LIN54: variants seen among roughly 807,000 people sequenced by gnomAD.
LIN54 encodes lin-54 DREAM MuvB core complex component, also known as protein lin-54 homolog.
A neutral mutation model predicts 78.7 loss-of-function variants in LIN54; 9 were observed. The ratio of observed to expected loss-of-function variants is 0.11; its 90% CI spans 0.07 to 0.20. The LOEUF (loss-of-function observed/expected upper bound fraction) is 0.20. LIN54 is among the 10% of genes least tolerant of loss of function. The pLI is 1.00. For missense variants in LIN54, 573 were observed against 889.9 expected (o/e 0.64, Z 4.53); for synonymous variants, 269 against 318.4 (o/e 0.84, Z 1.65).
In LIN54 at chr4:82,927,915, T is replaced by C; in HGVS notation, c.*187A>G. 1 of 572,722 alleles carries C rather than the reference T, an allele frequency of 1.7e-6. No homozygotes were observed. The highest frequency in any genetic ancestry group is 3.1e-6 in the Non-Finnish European group (1 of 323,826). The allele number at this position is 572,722 out of a possible 1,614,324, so 35.5% of individuals were successfully genotyped here. On this transcript the variant is annotated 3_prime_UTR_variant, in exon 13 of 13. Transcript: ENST00000340417. ...TCAATTTAGAAGGGGCATAAGCAGA[T>C]TTAACTAAGATTTAAAATGTACTAA...
rs1035496410 is a variant in LIN54, at chr4:82,938,468, A to G, written c.1477T>C (p.Ser493Pro). The G allele has an allele frequency of 1.2e-6, 2 of 1,611,564 alleles. No homozygotes were observed. The highest frequency in any genetic ancestry group is 1.7e-6 in the Non-Finnish European group (2 of 1,177,854). ...ATACCAGATGTTCCAGTAAAGGTAGAGTTGCTTGCTATTGATACATATGAA... is the reference window on the plus strand; with the variant it reads ...ATACCAGATGTTCCAGTAAAGGTAGGGTTGCTTGCTATTGATACATATGAA... ...QSSYVSIASN[S>P]TFTGTSGIQT... The change falls in exon 8 of 13, where the codon TCT becomes CCT. Residue 493 changes from serine to proline, a missense_variant. Physicochemically the swap from Ser to Pro is moderately conservative, Grantham distance 74. Transcript: ENST00000340417.
intron 1 of LIN54, 59 bp downstream of exon 1, chr4:83,010,425 C>CAA: frequency 4.0e-5 from 8 of 199,420 alleles, no homozygotes; most frequent in Non-Finnish European, 6.9e-5. Context: ...CCACCCCCAT[C>CAA]CCCCCAAATA....
chr4:82,986,163 T>G (rs1727114314), intron 1 of LIN54, among the ~76,000 whole-genome samples: 1 of 152,122 alleles, frequency 6.6e-6, no homozygotes, highest in Non-Finnish European at 1.5e-5. Context: ...TTACCCAGGC[T>G]GGAGTGCAGT....
At chr4:82,965,408 G>A (rs1396590633) in intron 4 of LIN54, among the ~76,000 whole-genome samples, 2 of 152,268 alleles carry the variant, frequency 1.3e-5, no homozygotes, top group Admixed American at 1.3e-4. Flanking sequence ...ATTCAAAGCT[G>A]GAGGAGGGAG....
intron 3 of LIN54, among the ~76,000 whole-genome samples, chr4:82,972,188 G>A (rs1460561488): frequency 6.6e-6 from 1 of 151,790 alleles, no homozygotes; most frequent in Non-Finnish European, 1.5e-5. Flanking sequence ...CTGAGTAGCT[G>A]GGACCACAGG....
intron 11 of LIN54, among the ~76,000 whole-genome samples, chr4:82,931,598 A>G (rs895735981): frequency 6.6e-6 from 1 of 152,162 alleles, no homozygotes; most frequent in Non-Finnish European, 1.5e-5. Flanking sequence ...CTATTATGCT[A>G]TTTTTAATCT....
chr4:82,979,080 T>G (rs1383763239), intron 2 of LIN54, 74 bp from the exon 3 acceptor site: 2 of 1,198,924 alleles, frequency 1.7e-6, no homozygotes, highest in African/African-American at 3.0e-5. Context: ...ATACCAAAGA[T>G]TCACACAAAG....
chr4:83,010,716 G>A lies in LIN54; in HGVS notation c.-265C>T. On this transcript the variant is annotated 5_prime_UTR_variant, in exon 1 of 13. Coordinates refer to ENST00000340417, the MANE Select transcript of LIN54 (RefSeq NM_194282.4). ...CCGCCTCTGGTATGTCAGGGGCCGG[G>A]ATTGTATTTCGAAAGATCCGCCATT... The A allele has an allele frequency of 8.1e-7, 1 of 1,232,036 alleles. No homozygotes were observed. The allele number at this position is 1,232,036 out of a possible 1,614,324, so 76.3% of individuals were successfully genotyped here. A position where few individuals can be genotyped will look rare whatever the true frequency, so the allele number is the denominator to read the frequency against.
At position 82,959,011 on chromosome 4, in the gene LIN54, T is replaced by C. The variant is rs1439797608; in HGVS notation, c.951+11316A>G. On this transcript the variant is annotated intron_variant, in intron 4 of 12. Coordinates refer to ENST00000340417, the MANE Select transcript of LIN54 (RefSeq NM_194282.4). ...GCCACTGTGCCCAGCCTATTTAATA[T>C]GTTTTTAAAAATAAAATAAACCATT... Among the ~76,000 whole-genome samples, 4 of 152,194 alleles carry C rather than the reference T, an allele frequency of 2.6e-5. No homozygotes were observed. In the East Asian group the frequency reaches 7.7e-4, roughly 29 times the overall value.
chr4:82,928,096 C>T lies in LIN54; in HGVS notation c.*6G>A, dbSNP rs1395492776. On this transcript the variant is annotated 3_prime_UTR_variant, in exon 13 of 13. Transcript: ENST00000340417. The stretch of plus-strand genomic sequence containing the variant: ...CAGTTCCATTTATCAGTCTTTTGTG[C>T]AAGAGTTAGCAATTCATGGCACAAG... 1 of 1,613,206 alleles carries T rather than the reference C, an allele frequency of 6.2e-7. No individual in the cohort carries two copies. Among genetic ancestry groups the T allele is most frequent in the East Asian group, 2.2e-5 (1 of 44,882 alleles).
chr4:82,995,277 G>C (rs1380458124), intron 1 of LIN54, among the ~76,000 whole-genome samples: 2 of 151,742 alleles, frequency 1.3e-5, no homozygotes, highest in Non-Finnish European at 2.9e-5. Context: ...TCTGGCCTGG[G>C]TGACTGGGTA....
chr4:82,974,070 T>C lies in LIN54; in HGVS notation c.809-3601A>G, dbSNP rs538072839. 2.8e-3 allele frequency among the ~76,000 whole-genome samples: 422 copies of C among 151,718 alleles called. 1 individual carries two copies. The highest frequency in any genetic ancestry group is 7.2e-3 in the African/African-American group (299 of 41,398). On this transcript the variant is annotated intron_variant, in intron 3 of 12. Transcript: ENST00000340417. ...CTAAAAATACAAAAAATTAGCTGGG[T>C]GTGGTGGCAGGCACCTGTAGTCCCA...
At chr4:82,935,113 T>C (rs1449745342) in intron 11 of LIN54, among the ~76,000 whole-genome samples, 1 of 152,004 alleles carries the variant, frequency 6.6e-6, no homozygotes, top group East Asian at 1.9e-4. Context: ...GATCCCCCTT[T>C]CCTATTTTTA....
At chr4:82,987,127 C>T (rs1159548612) in intron 1 of LIN54, among the ~76,000 whole-genome samples, 1 of 152,188 alleles carries the variant, frequency 6.6e-6, no homozygotes, top group Non-Finnish European at 1.5e-5. Context: ...CCCATCTCTA[C>T]TAAAAATACA....
chr4:83,010,697 C>CT lies in LIN54; in HGVS notation c.-247dup. Reference sequence around the variant, plus strand: ...GGCGACGTCGCCGTCGCCGCCGCCTCTGGTATGTCAGGGGCCGGGATTGTA... The same window carrying CT: ...GGCGACGTCGCCGTCGCCGCCGCCTCTTGGTATGTCAGGGGCCGGGATTGTA... On this transcript the variant is annotated 5_prime_UTR_variant, in exon 1 of 13. Transcript: ENST00000340417. 8.1e-7 allele frequency: 1 copy of CT among 1,232,000 alleles called. No homozygotes were observed. The highest frequency in any genetic ancestry group is 1.0e-6 in the Non-Finnish European group (1 of 987,902). 76.3% of individuals were successfully genotyped at this position (1,232,000 alleles called of 1,614,324 possible).
In LIN54 at chr4:82,939,662, A is replaced by G. The variant is rs1192486432; in HGVS notation, c.1317T>C (p.Pro439=). 1 of 1,614,060 alleles carries G rather than the reference A, an allele frequency of 6.2e-7. No homozygotes were observed. Among genetic ancestry groups the G allele is most frequent in the Middle Eastern group, 1.7e-4 (1 of 6,056 alleles). Residue 439 remains proline (P), a synonymous_variant, in exon 7 of 13, where the codon CCT becomes CCC. Transcript: ENST00000340417. ...TSQPQQRLIM[P]ATPLPQIQPN... is the part of the protein sequence containing the mutation. ...GCTGGATCTGTGGCAGTGGTGTGGC[A>G]GGCATGATAAGCCGTTGCTGTGGCT...
In LIN54 at chr4:82,925,577, C is replaced by G. The variant is rs1192437382; in HGVS notation, c.*2525G>C. On this transcript the variant is annotated 3_prime_UTR_variant, in exon 13 of 13. Transcript: ENST00000340417. Reference sequence around the variant, plus strand: ...TCAAAGCAATTTATGTTAGTAATAACTGAGCAAAATGATAGAATTTTTTAG... The same window carrying G: ...TCAAAGCAATTTATGTTAGTAATAAGTGAGCAAAATGATAGAATTTTTTAG... 1 of 152,600 alleles carries G rather than the reference C, an allele frequency of 6.6e-6. No individual in the cohort carries two copies. The allele number at this position is 152,600 out of a possible 1,614,324, so 9.5% of individuals were successfully genotyped here.
rs1009112631 is a variant in LIN54 at position 82,946,431 on chromosome 4, C to T, written c.995G>A (p.Ser332Asn). 10 of 1,613,990 alleles carry T rather than the reference C, an allele frequency of 6.2e-6. No individual in the cohort carries two copies. In the Middle Eastern group the frequency reaches 8.2e-4, roughly 133 times the overall value. The change falls in exon 5 of 13, where the codon AGC becomes AAC. Residue 332 changes from serine (S) to asparagine (N), a missense_variant. Coordinates refer to ENST00000340417, the MANE Select transcript of LIN54 (RefSeq NM_194282.4). ...TVQTITVGGV[S>N]TSQFKTIIPL... ...AATAATTGTCTTAAACTGTGATGTGCTCACTCCTCCAACAGTGATGGTCTG... is the reference window on the plus strand; with the variant it reads ...AATAATTGTCTTAAACTGTGATGTGTTCACTCCTCCAACAGTGATGGTCTG...
chr4:82,945,384 A>G (rs1229408224), intron 5 of LIN54, among the ~76,000 whole-genome samples: 2 of 152,218 alleles, frequency 1.3e-5, no homozygotes, highest in East Asian at 1.9e-4. Flanking sequence ...TTATGTGTCT[A>G]TGGATGTATA....
Sources: gnomAD v4.1 joint callset for allele counts (sites outside exome capture counted in the v4.1 genomes callset) on GRCh38, gnomAD v4.1.1 for gene constraint, MANE v1.5 for transcripts, NCBI Gene and HGNC (gene_info 2026-07-23, HGNC 2026-07-21) for gene names.